The following BAZ2B variants were observed in gnomAD, a reference collection of about 807,000 sequenced individuals.
The protein encoded by BAZ2B is bromodomain adjacent to zinc finger domain 2B, also known as bromodomain adjacent to zinc finger domain protein 2B.
BAZ2B carries 91 observed loss-of-function variants against 246.0 expected under a neutral mutation model. The ratio of observed to expected loss-of-function variants is 0.37; its 90% CI spans 0.31 to 0.44. The LOEUF is 0.44. Ranked by LOEUF, BAZ2B falls within the 20% of genes least tolerant of loss-of-function variation. The probability of loss-of-function intolerance (pLI) is 1.00; values close to 1 mark genes in which losing one functional copy is unlikely to be tolerated. For missense variants in BAZ2B, 2,332 were observed against 2,533.7 expected (o/e 0.92, Z 1.71); for synonymous variants, 855 against 860.0 (o/e 0.99, Z 0.10).
rs2063586825 is a variant in BAZ2B at position 159,325,482 on chromosome 2, A to C, written c.6209+171T>G. Among the ~76,000 whole-genome samples the C allele has an allele frequency of 2.0e-5, 3 of 152,112 alleles. No individual in the cohort carries two copies. In the South Asian group the frequency reaches 6.2e-4, roughly 32 times the overall value. ...CAATGCAAATTAACATTAAAAGAAG[A>C]TAAAGGAATACATTTACTATACTTT... On this transcript the variant is annotated intron_variant, in intron 35 of 36. Coordinates refer to ENST00000392783, the MANE Select transcript of BAZ2B (RefSeq NM_013450.4).
At chr2:159,531,488 C>T (rs1420587921) in intron 2 of BAZ2B, among the ~76,000 whole-genome samples, 3 of 151,954 alleles carry the variant, frequency 2.0e-5, no homozygotes, top group Admixed American at 6.6e-5. Context: ...AATGAAACAC[C>T]TCAATTTGTA....
At chr2:159,354,741 C>G (rs1489513024) in intron 27 of BAZ2B, among the ~76,000 whole-genome samples, 1 of 152,076 alleles carries the variant, frequency 6.6e-6, no homozygotes, top group African/African-American at 2.4e-5. Context: ...TCTTTTATCT[C>G]ATATAATCCT....
chr2:159,492,145 T>A (rs2080580003), intron 2 of BAZ2B, among the ~76,000 whole-genome samples: 1 of 152,216 alleles, frequency 6.6e-6, no homozygotes, highest in Admixed American at 6.5e-5. Flanking sequence ...CATCACCTGG[T>A]TCTTGCACCA....
chr2:159,469,046 T>C (rs1271564334), intron 3 of BAZ2B, among the ~76,000 whole-genome samples: 1 of 121,068 alleles, frequency 8.3e-6, no homozygotes, highest in Non-Finnish European at 1.7e-5. Context: ...CAAGACTCTG[T>C]CTCAAAAAAA....
intron 27 of BAZ2B, among the ~76,000 whole-genome samples, chr2:159,371,019 G>A (rs2060795283): frequency 6.6e-6 from 1 of 151,942 alleles, no homozygotes; most frequent in Admixed American, 6.5e-5. Flanking sequence ...TGTTGGTCAG[G>A]CTCGTCACGA....
At chr2:159,604,242 GT>G (rs1398765656) in intron 1 of BAZ2B, among the ~76,000 whole-genome samples, 1 of 151,866 alleles carries the variant, frequency 6.6e-6, no homozygotes, top group Admixed American at 6.6e-5. Flanking sequence ...TTCTCAAATA[GT>G]TTTTTTCCCT....
intron 36 of BAZ2B, among the ~76,000 whole-genome samples, chr2:159,322,614 G>A (rs2062852468): frequency 6.6e-6 from 1 of 152,124 alleles, no homozygotes; most frequent in African/African-American, 2.4e-5. Context: ...TAGGGAGAGT[G>A]GAGTCCAGGA....
At chr2:159,346,949 G>A (rs945731592) in intron 31 of BAZ2B, among the ~76,000 whole-genome samples, 6 of 152,008 alleles carry the variant, frequency 3.9e-5, no homozygotes, top group Non-Finnish European at 7.4e-5. Flanking sequence ...TATATGTAGG[G>A]TATGTGTGCA....
At chr2:159,496,396 A>C (rs2081145139) in intron 2 of BAZ2B, among the ~76,000 whole-genome samples, 1 of 149,856 alleles carries the variant, frequency 6.7e-6, no homozygotes, top group Admixed American at 6.6e-5. Context: ...AAAAAAAAAA[A>C]AAAAATTAAT....
chr2:159,475,144 G>A (rs773377687), intron 3 of BAZ2B, among the ~76,000 whole-genome samples: 1 of 152,192 alleles, frequency 6.6e-6, no homozygotes, highest in African/African-American at 2.4e-5. Context: ...ATCCTGAAGA[G>A]TGTTTTCCAA....
intron 32 of BAZ2B, chr2:159,337,316 A>C: frequency 8.8e-7 from 1 of 1,138,522 alleles, no homozygotes; most frequent in Admixed American, 2.9e-5. Flanking sequence ...ATAACAAAAA[A>C]AAAGTTTTTA....
chr2:159,382,943 A>T (rs1250313355), intron 24 of BAZ2B, 141 bp from the exon 25 acceptor site: 1 of 1,158,578 alleles, frequency 8.6e-7, no homozygotes. Context: ...AAAAAAAATT[A>T]GAATTAGGAA....
the BAZ2B span, among the ~76,000 whole-genome samples, chr2:159,669,060 A>AG: frequency 6.6e-6 from 1 of 150,710 alleles, no homozygotes; most frequent in Non-Finnish European, 1.5e-5. Context: ...TCCGTCTCAA[A>AG]AAAAAAAGAA....
intron 2 of BAZ2B, among the ~76,000 whole-genome samples, chr2:159,484,686 A>G (rs1002528115): frequency 3.9e-5 from 6 of 152,212 alleles, no homozygotes; most frequent in Non-Finnish European, 5.9e-5. Context: ...AGAGTTCATG[A>G]ACACTGACAG....
At chr2:159,692,767 C>G in the BAZ2B span, among the ~76,000 whole-genome samples, 1 of 152,132 alleles carries the variant, frequency 6.6e-6, no homozygotes, top group East Asian at 1.9e-4. Flanking sequence ...CAAGGGTCAA[C>G]TGTAAATCCC....
At chr2:159,574,132 CACACACACAT>C (rs1169748210) in intron 1 of BAZ2B, among the ~76,000 whole-genome samples, 59 of 111,158 alleles carry the variant, frequency 5.3e-4, no homozygotes, top group African/African-American at 1.9e-3. Context: ...CACACACACA[CACACACACAT>C]ACACACACAC....
At chr2:159,644,424 G>C in the BAZ2B span, among the ~76,000 whole-genome samples, 5 of 152,180 alleles carry the variant, frequency 3.3e-5, no homozygotes, top group African/African-American at 4.8e-5. Flanking sequence ...GCCAACAGCT[G>C]TTTGGTCTGA....
chr2:159,360,666 A>C (rs1445744120), intron 27 of BAZ2B, among the ~76,000 whole-genome samples: 3 of 152,234 alleles, frequency 2.0e-5, no homozygotes, highest in African/African-American at 7.2e-5. Flanking sequence ...AGAAAGAACA[A>C]AGCTGGAGGC....
At chr2:159,324,978 C>A in intron 35 of BAZ2B, 24 bp from the exon 36 acceptor site, 1 of 1,472,760 alleles carries the variant, frequency 6.8e-7, no homozygotes, top group Non-Finnish European at 8.9e-7. Flanking sequence ...TGTTTGAAAT[C>A]AGTATCCATA....
Sources: allele counts gnomAD v4.1 joint callset (sites outside exome capture counted in the v4.1 genomes callset), GRCh38; gene constraint gnomAD v4.1.1; transcripts MANE v1.5; gene names NCBI Gene and HGNC (gene_info 2026-07-23, HGNC 2026-07-21).